The following SPTBN4 variants were observed in gnomAD, a reference collection of about 807,000 sequenced individuals.
SPTBN4 encodes the protein spectrin beta chain, non-erythrocytic 4.
Under a neutral mutation model 277.8 loss-of-function variants are expected in SPTBN4, and 96 were observed. That is an observed-to-expected ratio of 0.35 (90% CI 0.29 to 0.41). The LOEUF (loss-of-function observed/expected upper bound fraction) is 0.41. Among genes scored for constraint, SPTBN4 ranks in the 10% least tolerant of loss-of-function variants. SPTBN4 has a pLI of 1.00. For missense variants in SPTBN4, 3,006 were observed against 3,595.7 expected (o/e 0.84, Z 4.19); for synonymous variants, 1,481 against 1,580.3 (o/e 0.94, Z 1.49).
intron 14 of SPTBN4, among the ~76,000 whole-genome samples, chr19:40,513,913 C>G (rs1340260480): frequency 1.3e-5 from 2 of 152,190 alleles, no homozygotes; most frequent in East Asian, 3.8e-4. Flanking sequence ...TATGCTTCTA[C>G]AGGGACACCT....
In SPTBN4 at chr19:40,565,506, C is replaced by T; in HGVS notation, c.5999C>T (p.Thr2000Ile). 6.2e-7 allele frequency: 1 copy of T among 1,614,142 alleles called. No homozygotes were observed. The highest frequency in any genetic ancestry group is 1.1e-5 in the South Asian group (1 of 91,080). ...ELEARVPELT[T>I]CQELGRSLLL... The stretch of plus-strand genomic sequence containing the variant: ...GAGGCGCGGGTGCCTGAGCTGACCA[C>T]CTGCCAGGAGCTGGGGCGATCTCTG... Residue 2000 changes from threonine to isoleucine, a missense_variant, in exon 28 of 36, where the codon ACC (threonine) becomes ATC (isoleucine). Thr to Ile is a moderately conservative substitution (Grantham distance 89, BLOSUM62 -1). Around this residue, in one of 5 missense-constraint regions of SPTBN4, gnomAD observed 425 missense variants for 594.7 expected, o/e 0.71. Transcript: ENST00000598249.
Position 40,560,113 on chromosome 19 carries a change from C to G in SPTBN4, c.5671-46C>G. The G allele has an allele frequency of 6.5e-7, 1 of 1,539,452 alleles. No individual in the cohort carries two copies. The highest frequency in any genetic ancestry group is 2.3e-5 in the East Asian group (1 of 43,898). On this transcript the variant is annotated intron_variant, in intron 26 of 35. Transcript: ENST00000598249. This position sits in a 1 kb window ranked among gnomAD's most constrained non-coding sequence, Gnocchi z 5.2. ...GCAGATGGTGGGAGGGAGGGCACAG[C>G]CTGGGCCCCGTGGAGGGCTGGCGCC...
intron 13 of SPTBN4, among the ~76,000 whole-genome samples, chr19:40,509,168 C>T (rs1030059364): frequency 2.0e-5 from 3 of 150,860 alleles, no homozygotes; most frequent in African/African-American, 7.3e-5. Context: ...GCAATCCTCC[C>T]GCTTCCACCT....
rs189296067 is a variant in SPTBN4 at position 40,483,051 on chromosome 19, G to A, written c.170-4646G>A. ...ACACACACACCCCTACCTCTCTCAA[G>A]TATGAGTTCCCAAAATCGATGATCC... On this transcript the variant is annotated intron_variant, in intron 2 of 35. Transcript: ENST00000598249. Among the ~76,000 whole-genome samples the A allele has an allele frequency of 1.7e-3, 263 of 152,052 alleles. 1 individual carries two copies. Among genetic ancestry groups the A allele is most frequent in the Non-Finnish European group, 2.8e-3 (192 of 67,972 alleles).
intron 4 of SPTBN4, among the ~76,000 whole-genome samples, chr19:40,491,020 C>T (rs115227432): frequency 3.3e-5 from 5 of 151,560 alleles, no homozygotes; most frequent in African/African-American, 9.7e-5. Context: ...CCAGCCTAGA[C>T]AACAGTGAGA....
intron 26 of SPTBN4, 44 bp downstream of exon 26, chr19:40,557,447 A>G (rs371607140): frequency 3.1e-5 from 46 of 1,504,812 alleles, no homozygotes; most frequent in Non-Finnish European, 4.1e-5. Flanking sequence ...GGGCCTGGAC[A>G]GCTGTGGGCA....
At chr19:40,537,776 A>G (rs1004746347) in intron 20 of SPTBN4, among the ~76,000 whole-genome samples, 6 of 151,856 alleles carry the variant, frequency 4.0e-5, no homozygotes, top group African/African-American at 7.3e-5. Context: ...TCATCAGTGC[A>G]GGTCTCCCAG....
At chr19:40,497,745 A>G (rs558861311) in intron 7 of SPTBN4, 141 bp downstream of exon 7, 2 of 682,622 alleles carry the variant, frequency 2.9e-6, no homozygotes, top group Non-Finnish European at 5.1e-6. Flanking sequence ...CCAAATCCCA[A>G]CTGTCTCCTC....
chr19:40,499,546 T>C (rs2080240523), intron 7 of SPTBN4, among the ~76,000 whole-genome samples: 2 of 151,686 alleles, frequency 1.3e-5, no homozygotes, highest in Non-Finnish European at 2.9e-5. Context: ...TGCACGACCA[T>C]GCTCAGCTAA....
Position 40,502,362 on chromosome 19 carries a change from C to T in SPTBN4, c.1086-28C>T. 1 of 1,609,192 alleles carries T rather than the reference C, an allele frequency of 6.2e-7. No homozygotes were observed. Among genetic ancestry groups the T allele is most frequent in the Non-Finnish European group, 8.5e-7 (1 of 1,177,142 alleles). Reference sequence around the variant, plus strand: ...AGGGTGGGCAGGGGTGGCATGACGGCAGGGCTCCTGAGCTCATGCCCCTTC... The same window carrying T: ...AGGGTGGGCAGGGGTGGCATGACGGTAGGGCTCCTGAGCTCATGCCCCTTC... On this transcript the variant is annotated intron_variant, in intron 9 of 35. Transcript: ENST00000598249. This position sits in a 1 kb window ranked among gnomAD's most constrained non-coding sequence, Gnocchi z 4.9.
At chr19:40,491,713 C>CAAAAA (rs35237688) in intron 4 of SPTBN4, among the ~76,000 whole-genome samples, 981 of 38,786 alleles carry the variant, frequency 0.025, 111 homozygotes, top group African/African-American at 0.056. Flanking sequence ...GACTCTGTCT[C>CAAAAA]AAAAAAAAAA....
intron 13 of SPTBN4, among the ~76,000 whole-genome samples, chr19:40,507,724 A>G (rs1167460991): frequency 1.3e-5 from 2 of 151,998 alleles, no homozygotes; most frequent in African/African-American, 4.8e-5. Context: ...AATCCTAGTT[A>G]CTCAGGAGGC....
At chr19:40,530,522 T>C in intron 18 of SPTBN4, 9 of 979,304 alleles carry the variant, frequency 9.2e-6, no homozygotes, top group Non-Finnish European at 1.1e-5. Context: ...GCCGCTGCCG[T>C]CGCAGTTGAG....
intron 30 of SPTBN4, 97 bp downstream of exon 30, chr19:40,566,456 G>A: frequency 8.4e-7 from 1 of 1,196,264 alleles, no homozygotes; most frequent in Non-Finnish European, 1.1e-6. Flanking sequence ...CATGGTGCTT[G>A]GTCCTGTGTT....
intron 2 of SPTBN4, among the ~76,000 whole-genome samples, chr19:40,477,658 GAGA>G (rs2145807157): frequency 6.6e-6 from 1 of 152,302 alleles, no homozygotes; most frequent in African/African-American, 2.4e-5. Flanking sequence ...GGGCTTCTTG[GAGA>G]AGGAGAGGCC....
rs1568801965 is a variant in SPTBN4 at position 40,519,386 on chromosome 19, C to A, written c.2904-15C>A. ...GTCCCTGTCCTCCTCAAGTCACTCT[C>A]TTTCCCCTGGGCAGGTGGAACCGCA... On this transcript the variant is annotated splice_polypyrimidine_tract_variant and intron_variant, in intron 15 of 35. Transcript: ENST00000598249. The surrounding 1 kb of genome is among the most constrained non-coding windows in gnomAD (Gnocchi z 5.7). 1 of 1,534,602 alleles carries A rather than the reference C, an allele frequency of 6.5e-7. No individual in the cohort carries two copies.
chr19:40,519,562 G>T lies in SPTBN4; in HGVS notation c.3065G>T (p.Trp1022Leu). The stretch of plus-strand genomic sequence containing the variant: ...CCCCGGGCCGGCGGCGCCCTGCAGT[G>T]GCGTCTTAGCGGCCTAGAGGCCGCT... ...SAPRAGGALQ[W>L]RLSGLEAALQ... The change falls in exon 16 of 36, where the codon TGG (tryptophan) becomes TTG (leucine). Residue 1022 changes from tryptophan to leucine, a missense_variant. Physicochemically the swap from Trp to Leu is moderately conservative, Grantham distance 61 (BLOSUM62 -2). Around this residue, in one of 5 missense-constraint regions of SPTBN4, gnomAD observed 1,759 missense variants for 2,061.5 expected, o/e 0.85. Coordinates refer to ENST00000598249, the MANE Select transcript of SPTBN4 (RefSeq NM_020971.3). The surrounding 1 kb of genome is among the most constrained non-coding windows in gnomAD (Gnocchi z 5.7). The T allele has an allele frequency of 6.4e-7, 1 of 1,555,958 alleles. No homozygotes were observed. Among genetic ancestry groups the T allele is most frequent in the East Asian group, 2.5e-5 (1 of 39,878 alleles).
intron 2 of SPTBN4, 137 bp from the exon 3 acceptor site, chr19:40,487,560 G>T: frequency 9.3e-7 from 1 of 1,074,556 alleles, no homozygotes. Context: ...TGGCCAGGCT[G>T]GTCTCGAACT....
At chr19:40,509,145 C>T (rs2080363099) in intron 13 of SPTBN4, among the ~76,000 whole-genome samples, 1 of 141,550 alleles carries the variant, frequency 7.1e-6, no homozygotes, top group Non-Finnish European at 1.5e-5. Flanking sequence ...TGGTCTTGAA[C>T]TCCTGGGCTC....
Sources: gnomAD v4.1 joint callset for allele counts (sites outside exome capture counted in the v4.1 genomes callset) on GRCh38, gnomAD v4.1.1 for gene constraint, gnomAD v4.1.1 regional missense constraint, Gnocchi (gnomAD v3.1) non-coding constraint, MANE v1.5 for transcripts, NCBI Gene and HGNC (gene_info 2026-07-23, HGNC 2026-07-21) for gene names.